Variants in XPR1 observed in about 807,000 individuals in gnomAD.
XPR1 encodes the protein solute carrier family 53 member 1.
Under a neutral mutation model 87.5 loss-of-function variants are expected in XPR1, and 28 were observed. The observed-to-expected ratio is 0.32, with a 90% CI of 0.24 to 0.44. XPR1 has a LOEUF of 0.44. Among genes scored for constraint, XPR1 ranks in the 20% least tolerant of loss-of-function variants. The pLI, the probability that XPR1 is intolerant of heterozygous loss-of-function variation, is 1.00. For synonymous variants in XPR1, 300 were observed against 306.1 expected, an observed-to-expected ratio of 0.98 and a Z score of 0.21; for missense variants, 559 against 862.3, an observed-to-expected ratio of 0.65 and a Z score of 4.41.
intron 2 of XPR1, among the ~76,000 whole-genome samples, chr1:180,698,248 C>A (rs921474031): frequency 1.3e-5 from 2 of 152,016 alleles, no homozygotes; most frequent in African/African-American, 2.4e-5. Flanking sequence ...ATAACAACTC[C>A]TGCTCACTTT....
intron 2 of XPR1, among the ~76,000 whole-genome samples, chr1:180,781,857 A>T (rs1648955862): frequency 6.6e-6 from 1 of 151,904 alleles, no homozygotes; most frequent in African/African-American, 2.4e-5. Flanking sequence ...GTGCGGTGGC[A>T]CGAACTCGGC....
intron 1 of XPR1, among the ~76,000 whole-genome samples, chr1:180,675,245 A>C (rs1656325325): frequency 6.6e-6 from 1 of 152,174 alleles, no homozygotes; most frequent in Admixed American, 6.5e-5. Flanking sequence ...TTAAAGGGGA[A>C]AAATGGGCTG....
intron 2 of XPR1, among the ~76,000 whole-genome samples, chr1:180,755,155 A>G (rs951260064): frequency 1.3e-5 from 2 of 152,158 alleles, no homozygotes; most frequent in South Asian, 2.1e-4. Flanking sequence ...TAGATGTAGC[A>G]TGTGTCGATG....
intron 11 of XPR1, among the ~76,000 whole-genome samples, chr1:180,853,517 ATCTT>A (rs965629434): frequency 6.6e-6 from 1 of 151,948 alleles, no homozygotes; most frequent in Non-Finnish European, 1.5e-5. Context: ...CAGTTTTGAC[ATCTT>A]TGATTGTCTT....
At chr1:180,836,171 C>T (rs1651282770) in intron 10 of XPR1, among the ~76,000 whole-genome samples, 1 of 151,982 alleles carries the variant, frequency 6.6e-6, no homozygotes, top group Admixed American at 6.6e-5. Context: ...ACAGCCTGGG[C>T]AACATGGTGA....
intron 3 of XPR1, among the ~76,000 whole-genome samples, chr1:180,793,467 A>C (rs1202129706): frequency 6.6e-6 from 1 of 150,834 alleles, no homozygotes; most frequent in African/African-American, 2.4e-5. Context: ...ACTATGACTT[A>C]ATGGCTGGTT....
chr1:180,736,183 G>A (rs1217446961), intron 2 of XPR1, among the ~76,000 whole-genome samples: 1 of 152,176 alleles, frequency 6.6e-6, no homozygotes, highest in African/African-American at 2.4e-5. Context: ...GATACTTGAA[G>A]GTTGAATTAA....
chr1:180,812,134 G>GC (rs1378904419), intron 7 of XPR1, among the ~76,000 whole-genome samples: 2 of 152,112 alleles, frequency 1.3e-5, no homozygotes, highest in Non-Finnish European at 2.9e-5. Flanking sequence ...CACTTTGATT[G>GC]TTTTTTCTGG....
intron 2 of XPR1, among the ~76,000 whole-genome samples, chr1:180,765,651 T>A (rs58365677): frequency 5.3e-5 from 8 of 152,198 alleles, no homozygotes; most frequent in African/African-American, 1.9e-4. Flanking sequence ...TTAAATCTTC[T>A]CTGGATTACT....
At chr1:180,639,607 A>G (rs1403466061) in intron 1 of XPR1, among the ~76,000 whole-genome samples, 2 of 152,164 alleles carry the variant, frequency 1.3e-5, no homozygotes, top group Admixed American at 6.5e-5. Context: ...GGTTATTTTT[A>G]TGTGAGTTAC....
intron 11 of XPR1, among the ~76,000 whole-genome samples, chr1:180,857,241 T>C (rs920665771): frequency 3.9e-5 from 6 of 152,204 alleles, no homozygotes; most frequent in Admixed American, 3.3e-4. Context: ...CTGAACGCTG[T>C]TTCTGCCTGA....
chr1:180,705,422 G>A (rs1447468046), intron 2 of XPR1, among the ~76,000 whole-genome samples: 1 of 152,156 alleles, frequency 6.6e-6, no homozygotes, highest in Non-Finnish European at 1.5e-5. Context: ...TTGAGGTTGA[G>A]ATGCCTATAT....
At chr1:180,793,655 G>A (rs1649466308) in intron 3 of XPR1, among the ~76,000 whole-genome samples, 1 of 152,144 alleles carries the variant, frequency 6.6e-6, no homozygotes, top group African/African-American at 2.4e-5. Context: ...AAGGAGCAGG[G>A]AGGGTAGTAG....
intron 2 of XPR1, among the ~76,000 whole-genome samples, chr1:180,709,567 C>G (rs776869564): frequency 6.6e-6 from 1 of 152,200 alleles, no homozygotes; most frequent in Non-Finnish European, 1.5e-5. Flanking sequence ...TCTTGTTTGT[C>G]TGGCTTCTTT....
chr1:180,777,885 G>GAATA (rs2102074168), intron 2 of XPR1, among the ~76,000 whole-genome samples: 2 of 152,282 alleles, frequency 1.3e-5, no homozygotes, highest in South Asian at 4.1e-4. Context: ...ATTGTGTAGG[G>GAATA]AATATAATTA....
At chr1:180,783,261 A>G (rs1649008928) in intron 2 of XPR1, among the ~76,000 whole-genome samples, 1 of 152,072 alleles carries the variant, frequency 6.6e-6, no homozygotes, top group African/African-American at 2.4e-5. Context: ...CTCAACAAAC[A>G]AACAAACAAA....
chr1:180,771,789 T>C (rs764030778), intron 2 of XPR1, among the ~76,000 whole-genome samples: 3 of 152,328 alleles, frequency 2.0e-5, no homozygotes, highest in Non-Finnish European at 1.5e-5. Flanking sequence ...AGTGCATTTT[T>C]TTCAGGGGGT....
intron 2 of XPR1, among the ~76,000 whole-genome samples, chr1:180,738,569 T>C (rs987184666): frequency 3.3e-5 from 5 of 152,224 alleles, no homozygotes; most frequent in African/African-American, 1.2e-4. Flanking sequence ...GGTTTTAGTA[T>C]ATTCAGAGTT....
At chr1:180,652,222 G>A (rs1571680803) in intron 1 of XPR1, among the ~76,000 whole-genome samples, 1 of 152,206 alleles carries the variant, frequency 6.6e-6, no homozygotes, top group African/African-American at 2.4e-5. Context: ...AACCTGGGAG[G>A]CGGAGGTTGC....
Sources: gnomAD v4.1 joint callset for allele counts (sites outside exome capture counted in the v4.1 genomes callset) on GRCh38, gnomAD v4.1.1 for gene constraint, MANE v1.5 for transcripts, NCBI Gene and HGNC (gene_info 2026-07-23, HGNC 2026-07-21) for gene names.